C16orf89: variants seen among roughly 807,000 people sequenced by gnomAD.
C16orf89 encodes chromosome 16 open reading frame 89.
C16orf89 carries 57 observed loss-of-function variants against 41.5 expected under a neutral mutation model. That is an observed-to-expected ratio of 1.38 (90% CI 1.11 to 1.71). The LOEUF is 1.71. Among genes scored for constraint, C16orf89 ranks in the 40% most tolerant of loss-of-function variants. The pLI is 0.00. For missense variants in C16orf89, 575 were observed against 445.9 expected, an observed-to-expected ratio of 1.29 and a Z score of -2.61; for synonymous variants, 223 against 190.6, an observed-to-expected ratio of 1.17 and a Z score of -1.40.
downstream of C16orf89, chr16:5,043,024 C>G (rs1033920145): frequency 6.6e-6 from 1 of 152,090 alleles, no homozygotes; most frequent in African/African-American, 2.4e-5. Context: ...ATTCTAGAAA[C>G]ACAATACTCA....
At chr16:5,058,659 C>T (rs775567873) in intron 3 of C16orf89, 49 bp from the exon 4 acceptor site, 2 of 1,449,124 alleles carry the variant, frequency 1.4e-6, no homozygotes, top group Non-Finnish European at 1.9e-6. Flanking sequence ...CTGACTCTGC[C>T]CTGCGTCTTC....
At chr16:5,061,633 G>A (rs1956629471) in intron 2 of C16orf89, among the ~76,000 whole-genome samples, 1 of 151,964 alleles carries the variant, frequency 6.6e-6, no homozygotes, top group Admixed American at 6.6e-5. Context: ...TCTTTAAGAT[G>A]ACATAGGTGG....
chr16:5,045,004 T>TA (rs1189868662), intron 7 of C16orf89, among the ~76,000 whole-genome samples: 2 of 152,054 alleles, frequency 1.3e-5, no homozygotes, highest in Non-Finnish European at 2.9e-5. Flanking sequence ...CCAAATAACT[T>TA]ACCAATACAG....
At position 5,054,256 on chromosome 16, in the gene C16orf89, G is replaced by A. The variant is rs1050132473; in HGVS notation, c.868+990C>T. Among the ~76,000 whole-genome samples the A allele has an allele frequency of 3.9e-5, 6 of 152,288 alleles. No homozygotes were observed. The South Asian group carries it at 8.3e-4, about 21-fold the overall frequency. Reference sequence around the variant, plus strand: ...ACTCTCCTTGCAGCTCAGGAAGGTGGGGATTACTATGCTCATTTATTTTCA... The same window carrying A: ...ACTCTCCTTGCAGCTCAGGAAGGTGAGGATTACTATGCTCATTTATTTTCA... On this transcript the variant is annotated intron_variant, in intron 6 of 7. Coordinates refer to ENST00000472572, the MANE Select transcript of C16orf89 (RefSeq NM_001098514.3).
intron 6 of C16orf89, among the ~76,000 whole-genome samples, chr16:5,051,098 A>T (rs911159510): frequency 1.3e-5 from 2 of 152,238 alleles, no homozygotes; most frequent in Non-Finnish European, 2.9e-5. Context: ...CCAACATTAC[A>T]CTGAGTGAGG....
At chr16:5,056,805 G>A (rs1956517474) in intron 4 of C16orf89, among the ~76,000 whole-genome samples, 1 of 152,080 alleles carries the variant, frequency 6.6e-6, no homozygotes, top group Admixed American at 6.6e-5. Context: ...AAAAATATTG[G>A]GCTGTCACAG....
Position 5,044,679 on chromosome 16 carries a change from T to G in C16orf89, c.956-201A>C, listed in dbSNP as rs956459066. On this transcript the variant is annotated intron_variant, in intron 7 of 7. Coordinates refer to ENST00000472572, the MANE Select transcript of C16orf89 (RefSeq NM_001098514.3). Reference sequence around the variant, plus strand: ...CAACATGATGAAACCCTGTCTCTACTAAAAAAATATAAAAATTAGCCAGGT... The same window carrying G: ...CAACATGATGAAACCCTGTCTCTACGAAAAAAATATAAAAATTAGCCAGGT... The G allele has an allele frequency of 1.4e-5, 16 of 1,108,712 alleles. 1 individual carries two copies. In the Admixed American group the frequency reaches 4.0e-4, roughly 28 times the overall value. 68.7% of individuals were successfully genotyped at this position (1,108,712 alleles called of 1,614,324 possible).
chr16:5,044,775 C>T (rs1004941733), intron 7 of C16orf89: 6 of 1,146,030 alleles, frequency 5.2e-6, no homozygotes, highest in South Asian at 1.3e-5. Context: ...ACCCAGGAGG[C>T]AAAGGTTGCA....
chr16:5,044,798 T>G (rs1351211882), intron 7 of C16orf89: 1 of 1,207,396 alleles, frequency 8.3e-7, no homozygotes, highest in African/African-American at 1.6e-5. Context: ...GAGCCGAGAT[T>G]GCGCCACTGT....
rs35641084 is a variant in C16orf89 at position 5,052,099 on chromosome 16, CAAA to C, written c.868+3144_868+3146del. ...CCTGGGTGACAGAACGAGACTGTCT[CAAA>C]AAAAAAAAAAAAAAAAAAGAAGGAA... is the stretch of plus-strand genomic sequence containing the variant. On this transcript the variant is annotated intron_variant, in intron 6 of 7. Coordinates refer to ENST00000472572, the MANE Select transcript of C16orf89 (RefSeq NM_001098514.3). Among the ~76,000 whole-genome samples the C allele has an allele frequency of 5.2e-3, 413 of 78,678 alleles. 3 individuals carry two copies. Among genetic ancestry groups the C allele is most frequent in the African/African-American group, 0.017 (343 of 20,148 alleles). 51.6% of individuals were successfully genotyped at this position (78,678 alleles called of 152,430 possible). A position where few individuals can be genotyped will look rare whatever the true frequency, so the allele number is the denominator to read the frequency against.
chr16:5,057,162 G>A (rs1429063737), intron 4 of C16orf89, among the ~76,000 whole-genome samples: 1 of 151,114 alleles, frequency 6.6e-6, no homozygotes, highest in African/African-American at 2.4e-5. Flanking sequence ...GCTTAAATCC[G>A]GGAGGCAGAG....
intron 1 of C16orf89, 127 bp downstream of exon 1, chr16:5,065,574 C>T (rs1383348955): frequency 1.7e-6 from 2 of 1,162,888 alleles, no homozygotes; most frequent in Non-Finnish European, 1.2e-6. Flanking sequence ...CTCCTCTCTC[C>T]TTATAGCCGA....
At chr16:5,047,599 C>G (rs538667300) in intron 7 of C16orf89, among the ~76,000 whole-genome samples, 1 of 151,978 alleles carries the variant, frequency 6.6e-6, no homozygotes, top group African/African-American at 2.4e-5. Context: ...TCCCGAGTAA[C>G]TGGGACTACA....
chr16:5,059,474 A>C (rs999343929), intron 3 of C16orf89, among the ~76,000 whole-genome samples: 4 of 152,014 alleles, frequency 2.6e-5, no homozygotes, highest in African/African-American at 9.7e-5. Context: ...TCTCAAAAAA[A>C]TAAAAATAAA....
At chr16:5,058,931 G>C (rs1956563502) in intron 3 of C16orf89, among the ~76,000 whole-genome samples, 2 of 152,076 alleles carry the variant, frequency 1.3e-5, no homozygotes, top group South Asian at 4.1e-4. Flanking sequence ...TGGAATCTGG[G>C]CCCAACATGC....
chr16:5,054,936 A>G (rs1468370801), intron 6 of C16orf89, among the ~76,000 whole-genome samples: 3 of 152,098 alleles, frequency 2.0e-5, no homozygotes, highest in African/African-American at 7.2e-5. Flanking sequence ...CTTTTTCTTT[A>G]TAAATCACCC....
Position 5,047,929 on chromosome 16 carries a change from A to T in C16orf89, c.904T>A (p.Tyr302Asn). Residue 302 changes from tyrosine to asparagine, a missense_variant, in exon 7 of 8, where the codon TAT (tyrosine) becomes AAT (asparagine). By Grantham distance (143) the Tyr-to-Asn change is moderately radical (BLOSUM62 -2). Coordinates refer to ENST00000472572, the MANE Select transcript of C16orf89 (RefSeq NM_001098514.3). ...EDEELSKAIQ[Y>N]QQHFSRRVKR... ...ACTCTCCTCGAAAAATGCTGCTGAT[A>T]TTGAATAGCTTTAGATAATTCTTCA... 1 of 1,604,078 alleles carries T rather than the reference A, an allele frequency of 6.2e-7. No homozygotes were observed. The highest frequency in any genetic ancestry group is 1.1e-5 in the South Asian group (1 of 90,414).
At chr16:5,061,025 C>T (rs1349852063) in intron 2 of C16orf89, among the ~76,000 whole-genome samples, 3 of 146,132 alleles carry the variant, frequency 2.1e-5, no homozygotes, top group Non-Finnish European at 3.0e-5. Context: ...CTTTCGGAAG[C>T]CAAGGCGGGC....
At chr16:5,047,799 C>T (rs1956326337) in intron 7 of C16orf89, 79 bp downstream of exon 7, 2 of 835,016 alleles carry the variant, frequency 2.4e-6, no homozygotes, top group South Asian at 2.8e-5. Context: ...TCTTCCATAG[C>T]AGAGAATAAA....
Sources: gnomAD v4.1 joint callset for allele counts (sites outside exome capture counted in the v4.1 genomes callset) on GRCh38, gnomAD v4.1.1 for gene constraint, MANE v1.5 for transcripts, NCBI Gene and HGNC (gene_info 2026-07-23, HGNC 2026-07-21) for gene names.